Variants in STK35 observed in about 807,000 individuals in gnomAD.
STK35 encodes the protein serine/threonine kinase 35.
A neutral mutation model predicts 37.3 loss-of-function variants in STK35; 17 were observed. The ratio of observed to expected loss-of-function variants is 0.46; its 90% confidence interval spans 0.31 to 0.68. The LOEUF is 0.68. STK35 is among the 30% of genes least tolerant of loss of function. The pLI, the probability that STK35 is intolerant of heterozygous loss-of-function variation, is 0.05. For missense variants in STK35, 595 were observed against 746.7 expected, an observed-to-expected ratio of 0.80 and a Z score of 2.37; for synonymous variants, 385 against 319.1, an observed-to-expected ratio of 1.21 and a Z score of -2.20.
intron 3 of STK35, among the ~76,000 whole-genome samples, chr20:2,128,270 A>G (rs1297129186): frequency 6.6e-6 from 1 of 152,132 alleles, no homozygotes; most frequent in Non-Finnish European, 1.5e-5. Context: ...CATGCAGACC[A>G]TTGCCCTCAC....
chr20:2,112,860 T>G (rs1372056836), intron 2 of STK35, among the ~76,000 whole-genome samples: 1 of 152,230 alleles, frequency 6.6e-6, no homozygotes, highest in Non-Finnish European at 1.5e-5. Flanking sequence ...GACAAGGGAA[T>G]TATAAAACTT....
chr20:2,115,175 C>A (rs571106609), intron 2 of STK35, among the ~76,000 whole-genome samples: 114 of 152,180 alleles, frequency 7.5e-4, no homozygotes, highest in Non-Finnish European at 1.4e-3. Context: ...CGATTGTGAT[C>A]AAAAACCTAA....
intron 3 of STK35, among the ~76,000 whole-genome samples, chr20:2,126,631 T>C (rs1027848790): frequency 1.3e-5 from 2 of 152,196 alleles, no homozygotes; most frequent in Non-Finnish European, 2.9e-5. Flanking sequence ...TCCCAGCCCC[T>C]CTTTTCATTT....
chr20:2,111,289 G>A (rs775277210), intron 2 of STK35, among the ~76,000 whole-genome samples: 1 of 152,162 alleles, frequency 6.6e-6, no homozygotes, highest in Non-Finnish European at 1.5e-5. Flanking sequence ...TGAAATCAGC[G>A]GTTGACTTAG....
chr20:2,107,085 C>T (rs1250923729), intron 2 of STK35, among the ~76,000 whole-genome samples: 1 of 152,194 alleles, frequency 6.6e-6, no homozygotes, highest in Non-Finnish European at 1.5e-5. Context: ...AAGGCATCAA[C>T]AGTTTGCTTT....
rs779379426 is a variant in STK35, at chr20:2,102,974, G to A, written c.501G>A (p.Ala167=). The A allele has an allele frequency of 3.8e-5, 54 of 1,425,670 alleles. 2 individuals carry two copies. In the South Asian group the frequency reaches 7.7e-4, roughly 20 times the overall value. 88.3% of individuals were successfully genotyped at this position (1,425,670 alleles called of 1,614,324 possible). A position where few individuals can be genotyped will look rare whatever the true frequency, so the allele number is the denominator to read the frequency against. The change falls in exon 2 of 4, where the codon GCG becomes GCA. Residue 167 remains alanine, a synonymous_variant. Coordinates refer to ENST00000381482, the MANE Select transcript of STK35 (RefSeq NM_080836.4). The stretch of plus-strand genomic sequence containing the variant: ...CGCCCAGCACGAAGCTGAGGCCGGC[G>A]GCGGCGGCCCGGGCCATGGATCCGG... ...PRAPSTKLRP[A]AAARAMDPVA...
At chr20:2,129,058 C>T (rs1037355332) in intron 3 of STK35, among the ~76,000 whole-genome samples, 4 of 152,136 alleles carry the variant, frequency 2.6e-5, no homozygotes, top group Non-Finnish European at 5.9e-5. Flanking sequence ...CTCCTGACCT[C>T]GTGATCCACC....
intron 3 of STK35, among the ~76,000 whole-genome samples, chr20:2,129,194 A>C (rs1985956686): frequency 6.6e-6 from 1 of 152,158 alleles, no homozygotes. Flanking sequence ...ACAGACATGT[A>C]TTGAGCACCC....
At chr20:2,119,280 G>C (rs1985775533) in intron 3 of STK35, among the ~76,000 whole-genome samples, 1 of 152,224 alleles carries the variant, frequency 6.6e-6, no homozygotes, top group African/African-American at 2.4e-5. Flanking sequence ...AGGGAATTGG[G>C]GGTGAGGGAG....
chr20:2,102,824 A>AGG lies in STK35; in HGVS notation c.357_358dup (p.Ala120GlyfsTer46). ...CCAGGGCCGGACGGAGGGATGAGGCAGGGGGGGCCCGGGCAGCGCCGTTGC... is the reference window on the plus strand; with the variant it reads ...CCAGGGCCGGACGGAGGGATGAGGCAGGGGGGGGGCCCGGGCAGCGCCGTTGC... On this transcript the variant is annotated frameshift_variant, in exon 2 of 4. Transcript: ENST00000381482. LOFTEE classifies it high-confidence loss of function. The AGG allele has an allele frequency of 6.6e-7, 1 of 1,526,336 alleles. No individual in the cohort carries two copies. The highest frequency in any genetic ancestry group is 8.7e-7 in the Non-Finnish European group (1 of 1,143,286). The allele number at this position is 1,526,336 out of a possible 1,614,324, so 94.5% of individuals were successfully genotyped here.
chr20:2,120,452 A>G (rs1005091079), intron 3 of STK35, among the ~76,000 whole-genome samples: 28 of 152,212 alleles, frequency 1.8e-4, no homozygotes, highest in Non-Finnish European at 3.1e-4. Flanking sequence ...CAATTTGACC[A>G]TAGCCTATCC....
intron 3 of STK35, among the ~76,000 whole-genome samples, chr20:2,129,202 C>A (rs934122361): frequency 2.0e-5 from 3 of 152,160 alleles, no homozygotes; most frequent in African/African-American, 7.2e-5. Context: ...GTATTGAGCA[C>A]CCGCTGTGAG....
intron 3 of STK35, among the ~76,000 whole-genome samples, chr20:2,133,035 TCTCA>T (rs1398836490): frequency 1.3e-5 from 2 of 152,242 alleles, no homozygotes; most frequent in Non-Finnish European, 2.9e-5. Flanking sequence ...TCACTTTGCT[TCTCA>T]CTAACAATTT....
chr20:2,102,682 G>C (rs1393760995), intron 1 of STK35, 86 bp from the exon 2 acceptor site: 3 of 1,227,322 alleles, frequency 2.4e-6, no homozygotes, highest in South Asian at 2.1e-5. Context: ...CGGCGGCCGG[G>C]GGAGGAGGAG....
Position 2,116,599 on chromosome 20 carries a change from C to CT in STK35, c.893-64dup, listed in dbSNP as rs1985721682. 3 of 1,503,438 alleles carry CT rather than the reference C, an allele frequency of 2.0e-6. No homozygotes were observed. In the African/African-American group the frequency reaches 4.2e-5, roughly 21 times the overall value. The allele number at this position is 1,503,438 out of a possible 1,614,324, so 93.1% of individuals were successfully genotyped here. A position where few individuals can be genotyped will look rare whatever the true frequency, so the allele number is the denominator to read the frequency against. ...ATGTCACTCTTGAATACACTGCATC[C>CT]TTTAGTTAAAAAGAAGTGTGACTGT... On this transcript the variant is annotated intron_variant, in intron 2 of 3. Coordinates refer to ENST00000381482, the MANE Select transcript of STK35 (RefSeq NM_080836.4).
intron 3 of STK35, among the ~76,000 whole-genome samples, chr20:2,140,022 CTT>C (rs1465813397): frequency 6.6e-6 from 1 of 152,122 alleles, no homozygotes; most frequent in Admixed American, 6.5e-5. Flanking sequence ...AGCTGGAAAA[CTT>C]TGGATTAAGT....
rs574301493 is a variant in STK35 at position 2,111,978 on chromosome 20, C to T, written c.893-4688C>T. Among the ~76,000 whole-genome samples the T allele has an allele frequency of 3.2e-3, 484 of 152,330 alleles. 4 individuals carry two copies. The highest frequency in any genetic ancestry group is 6.8e-3 in the Admixed American group (104 of 15,298). On this transcript the variant is annotated intron_variant, in intron 2 of 3. Coordinates refer to ENST00000381482, the MANE Select transcript of STK35 (RefSeq NM_080836.4). ...AACTCTTCTGGCAGATCCGGGCCCG[C>T]TTCCTAGTTCTCACAGCTGTAGTCA...
At chr20:2,132,825 C>A (rs181019765) in intron 3 of STK35, among the ~76,000 whole-genome samples, 1 of 152,164 alleles carries the variant, frequency 6.6e-6, no homozygotes, top group Non-Finnish European at 1.5e-5. Flanking sequence ...ACTAGCTGGG[C>A]GGCTTTGGGC....
At chr20:2,128,591 T>C (rs1276325819) in intron 3 of STK35, among the ~76,000 whole-genome samples, 1 of 152,094 alleles carries the variant, frequency 6.6e-6, no homozygotes, top group Non-Finnish European at 1.5e-5. Context: ...CTCTTACTCC[T>C]GTGGGAGTAG....
Sources: gnomAD v4.1 joint callset for allele counts (sites outside exome capture counted in the v4.1 genomes callset) on GRCh38, gnomAD v4.1.1 for gene constraint, MANE v1.5 for transcripts, NCBI Gene and HGNC (gene_info 2026-07-23, HGNC 2026-07-21) for gene names.